Variants in TTC7B observed in about 807,000 individuals in gnomAD.
TTC7B encodes tetratricopeptide repeat domain 7B, also known as tetratricopeptide repeat protein 7B.
A neutral mutation model predicts 106.8 loss-of-function variants in TTC7B; 28 were observed. That is an observed-to-expected ratio of 0.26 (90% CI 0.19 to 0.36). TTC7B has a LOEUF of 0.36. Ranked by LOEUF, TTC7B falls within the 10% of genes least tolerant of loss-of-function variation. TTC7B has a pLI of 1.00. For synonymous variants in TTC7B, 405 were observed against 430.6 expected (o/e 0.94, Z 0.74); for missense variants, 862 against 1,076.4 (o/e 0.80, Z 2.79).
intron 1 of TTC7B, among the ~76,000 whole-genome samples, chr14:90,810,877 G>C (rs890781477): frequency 6.6e-6 from 1 of 152,240 alleles, no homozygotes; most frequent in Non-Finnish European, 1.5e-5. Flanking sequence ...GTCAAATAGC[G>C]TGAGCAAAGG....
At chr14:90,768,896 A>C (rs778957557) in intron 3 of TTC7B, among the ~76,000 whole-genome samples, 2 of 152,226 alleles carry the variant, frequency 1.3e-5, no homozygotes, top group Non-Finnish European at 2.9e-5. Flanking sequence ...TATTACTCAA[A>C]AACTAGTATT....
chr14:90,653,136 T>C (rs1370329441), intron 12 of TTC7B, among the ~76,000 whole-genome samples: 1 of 152,172 alleles, frequency 6.6e-6, no homozygotes, highest in Non-Finnish European at 1.5e-5. Flanking sequence ...CAGTGTGAGT[T>C]GGGTGGTCAC....
rs753128689 is a variant in TTC7B, at chr14:90,544,957, C to T, written c.2311-3368G>A. On this transcript the variant is annotated intron_variant, in intron 19 of 19. Transcript: ENST00000328459. ...TTCAGGTCCCACTAGGCTCTGCCAC[C>T]GTAGCATCAGCCCCGTGCTGTTTTC... Among the ~76,000 whole-genome samples the T allele has an allele frequency of 1.1e-4, 16 of 152,222 alleles. 1 individual carries two copies. Among genetic ancestry groups the T allele is most frequent in the Admixed American group, 5.2e-4 (8 of 15,278 alleles).
chr14:90,559,671 C>T (rs1359209731), intron 19 of TTC7B, among the ~76,000 whole-genome samples: 4 of 74,698 alleles, frequency 5.4e-5, no homozygotes, highest in Admixed American at 1.9e-4. Context: ...ACAACACACA[C>T]GATTCTCACA....
chr14:90,577,743 G>A lies in TTC7B; in HGVS notation c.2310+363C>T, dbSNP rs576440797. Among the ~76,000 whole-genome samples, 6 of 152,330 alleles carry A rather than the reference G, an allele frequency of 3.9e-5. No individual in the cohort carries two copies. In the South Asian group the frequency reaches 1.0e-3, roughly 26 times the overall value. On this transcript the variant is annotated intron_variant, in intron 19 of 19. Coordinates refer to ENST00000328459, the MANE Select transcript of TTC7B (RefSeq NM_001010854.2). The surrounding 1 kb of genome is among the most constrained non-coding windows in gnomAD (Gnocchi z 5.0). ...GTCTCCCCGGGATGTGGAAACCCCC[G>A]AAGGTGGCTACTGCAAGCAGCACAG...
At chr14:90,647,532 A>C (rs1180539026) in intron 13 of TTC7B, 1 of 154,644 alleles carries the variant, frequency 6.5e-6, no homozygotes, top group Non-Finnish European at 1.4e-5. Context: ...TTTTGGTGAA[A>C]AAAGGGAAGA....
intron 3 of TTC7B, among the ~76,000 whole-genome samples, chr14:90,751,801 T>G (rs974956929): frequency 6.6e-6 from 1 of 152,152 alleles, no homozygotes; most frequent in Non-Finnish European, 1.5e-5. Context: ...CCCTTCCATG[T>G]GCCTGTTTGG....
At position 90,526,454 on chromosome 14, in the gene TTC7B, T is replaced by C. The variant is rs1889152217; in HGVS notation, c.*14914A>G. 6.6e-6 allele frequency: 1 copy of C among 152,256 alleles called. No individual in the cohort carries two copies. The allele number at this position is 152,256 out of a possible 1,614,324, so 9.4% of individuals were successfully genotyped here. On this transcript the variant is annotated 3_prime_UTR_variant, in exon 20 of 20. Coordinates refer to ENST00000328459, the MANE Select transcript of TTC7B (RefSeq NM_001010854.2). ...TATAACCTTTATGTTACCTGGCACA[T>C]TTGTGCCAACAATGGAACTGACATT...
At chr14:90,592,041 T>C (rs191087777) in intron 18 of TTC7B, among the ~76,000 whole-genome samples, 5 of 152,342 alleles carry the variant, frequency 3.3e-5, no homozygotes, top group Admixed American at 3.3e-4. Context: ...TATGGTGCAA[T>C]TGAAGATGCC....
chr14:90,578,175 G>A lies in TTC7B; in HGVS notation c.2241C>T (p.Asp747=), dbSNP rs199960648. 45 of 1,613,870 alleles carry A rather than the reference G, an allele frequency of 2.8e-5. No homozygotes were observed. The highest frequency in any genetic ancestry group is 8.9e-5 in the East Asian group (4 of 44,872). ...CCTCTTCATACCACCGCCGCGCCTC[G>A]TCCATGCTTCCCCGGAGCTCAGCAA... is the stretch of plus-strand genomic sequence containing the variant. ...GQIAELRGSM[D]EARRWYEEAL... The change falls in exon 19 of 20, where the codon GAC becomes GAT. Residue 747 remains aspartate (D), a synonymous_variant. Coordinates refer to ENST00000328459, the MANE Select transcript of TTC7B (RefSeq NM_001010854.2). This position sits in a 1 kb window ranked among gnomAD's most constrained non-coding sequence, Gnocchi z 4.7.
rs528971150 is a variant in TTC7B at position 90,600,667 on chromosome 14, C to A, written c.1967-7041G>T. Among the ~76,000 whole-genome samples the A allele has an allele frequency of 1.3e-5, 2 of 152,328 alleles. No individual in the cohort carries two copies. Among genetic ancestry groups the A allele is most frequent in the African/African-American group, 4.8e-5 (2 of 41,578 alleles). On this transcript the variant is annotated intron_variant, in intron 17 of 19. Coordinates refer to ENST00000328459, the MANE Select transcript of TTC7B (RefSeq NM_001010854.2). The surrounding 1 kb of genome is among the most constrained non-coding windows in gnomAD (Gnocchi z 4.3). ...CCAGTAAGGCAGGGAGGGCCGGGGA[C>A]ATGTCATCACCGGTGGGCATGCGGG...
At chr14:90,617,577 A>G (rs2139848180) in intron 16 of TTC7B, among the ~76,000 whole-genome samples, 1 of 152,356 alleles carries the variant, frequency 6.6e-6, no homozygotes, top group African/African-American at 2.4e-5. Flanking sequence ...TCTGGACCAC[A>G]TAAATGACTG....
intron 9 of TTC7B, among the ~76,000 whole-genome samples, chr14:90,671,888 T>C (rs1886648573): frequency 6.6e-6 from 1 of 152,186 alleles, no homozygotes; most frequent in South Asian, 2.1e-4. Context: ...TGAATAAGCA[T>C]AAGAGAAAGG....
Position 90,525,965 on chromosome 14 carries a change from A to T in TTC7B, c.*15403T>A, listed in dbSNP as rs185221812. ...ACAGAGTTGCGATTGGTTAAAAAAT[A>T]AAAAAAAATAAAAAAAATAAAAAAA... On this transcript the variant is annotated 3_prime_UTR_variant, in exon 20 of 20. Coordinates refer to ENST00000328459, the MANE Select transcript of TTC7B (RefSeq NM_001010854.2). The T allele has an allele frequency of 5.7e-5, 8 of 140,384 alleles. No homozygotes were observed. Among genetic ancestry groups the T allele is most frequent in the African/African-American group, 1.9e-4 (7 of 37,794 alleles). 8.7% of individuals were successfully genotyped at this position (140,384 alleles called of 1,614,324 possible).
chr14:90,694,587 T>C (rs936681425), intron 6 of TTC7B, among the ~76,000 whole-genome samples: 10 of 148,662 alleles, frequency 6.7e-5, no homozygotes, highest in African/African-American at 2.2e-4. Context: ...ATAATACATA[T>C]ATGTCACATA....
intron 17 of TTC7B, among the ~76,000 whole-genome samples, chr14:90,604,343 T>C (rs1266393585): frequency 2.0e-5 from 3 of 152,236 alleles, no homozygotes; most frequent in Non-Finnish European, 2.9e-5. Flanking sequence ...AAAAACAACA[T>C]ACACGGTGTT....
At chr14:90,774,634 C>T (rs1890967669) in intron 3 of TTC7B, among the ~76,000 whole-genome samples, 2 of 152,208 alleles carry the variant, frequency 1.3e-5, no homozygotes, top group South Asian at 4.1e-4. Context: ...TGGGTAGCTT[C>T]TCCAGCTGCC....
rs1416537908 is a variant in TTC7B at position 90,608,746 on chromosome 14, A to T, written c.1966+1996T>A. Reference sequence around the variant, plus strand: ...GAGACTCTCAAGCACTCTAGGAAAAATGTCCCAATGGGCAACGGGAAGAAT... The same window carrying T: ...GAGACTCTCAAGCACTCTAGGAAAATTGTCCCAATGGGCAACGGGAAGAAT... On this transcript the variant is annotated intron_variant, in intron 17 of 19. Transcript: ENST00000328459. The surrounding 1 kb of genome is among the most constrained non-coding windows in gnomAD (Gnocchi z 5.1). Among the ~76,000 whole-genome samples the T allele has an allele frequency of 1.3e-5, 2 of 152,218 alleles. No homozygotes were observed. The highest frequency in any genetic ancestry group is 2.4e-5 in the African/African-American group (1 of 41,458).
intron 15 of TTC7B, among the ~76,000 whole-genome samples, chr14:90,632,932 C>T (rs2139866995): frequency 6.6e-6 from 1 of 152,290 alleles, no homozygotes; most frequent in East Asian, 1.9e-4. Flanking sequence ...GAAAGAATGA[C>T]TGATTAAATG....
Sources: gnomAD v4.1 joint callset for allele counts (sites outside exome capture counted in the v4.1 genomes callset) on GRCh38, gnomAD v4.1.1 for gene constraint, Gnocchi (gnomAD v3.1) non-coding constraint, MANE v1.5 for transcripts, NCBI Gene and HGNC (gene_info 2026-07-23, HGNC 2026-07-21) for gene names.